The following DPP6 variants were observed in gnomAD, a reference collection of about 807,000 sequenced individuals.
DPP6 encodes the protein A-type potassium channel modulatory protein DPP6.
In DPP6, 69 loss-of-function variants were observed where a neutral mutation model predicts 122.6. The ratio of observed to expected loss-of-function variants is 0.56; its 90% confidence interval spans 0.46 to 0.69. The LOEUF (loss-of-function observed/expected upper bound fraction) is 0.69, where lower values mean the gene tolerates loss of function less well. Among genes scored for constraint, DPP6 ranks in the 30% least tolerant of loss-of-function variants. The pLI is 0.00. For synonymous variants in DPP6, 418 were observed against 433.1 expected (o/e 0.97, Z 0.43); for missense variants, 928 against 1,116.9 (o/e 0.83, Z 2.41).
intron 16 of DPP6, among the ~76,000 whole-genome samples, chr7:154,841,639 A>G (rs1801555266): frequency 6.6e-6 from 1 of 151,860 alleles, no homozygotes; most frequent in Non-Finnish European, 1.5e-5. Flanking sequence ...AATGCCTATC[A>G]TGAGCCCTGA....
In DPP6 at chr7:154,212,813, C is replaced by A. The variant is rs145011009; in HGVS notation, c.243+159750C>A. Among the ~76,000 whole-genome samples, 24 of 152,248 alleles carry A rather than the reference C, an allele frequency of 1.6e-4. No homozygotes were observed. The East Asian group carries it at 4.6e-3, about 29-fold the overall frequency. On this transcript the variant is annotated intron_variant, in intron 1 of 25. Transcript: ENST00000377770. Reference sequence around the variant, plus strand: ...GAATGCAAGATGGCAGGTGCCATGACAGAAGAGCAGGATGGATGCTGAGGA... The same window carrying A: ...GAATGCAAGATGGCAGGTGCCATGAAAGAAGAGCAGGATGGATGCTGAGGA...
At chr7:153,781,892 T>A in the DPP6 span, among the ~76,000 whole-genome samples, 2 of 151,472 alleles carry the variant, frequency 1.3e-5, no homozygotes, top group East Asian at 3.9e-4. Flanking sequence ...TTAAATCAAG[T>A]CATAAAGCAG....
At chr7:154,659,614 G>T (rs1232343503) in intron 6 of DPP6, among the ~76,000 whole-genome samples, 2 of 152,222 alleles carry the variant, frequency 1.3e-5, no homozygotes, top group African/African-American at 2.4e-5. Context: ...CTTGGATCCA[G>T]TTACTCTATT....
the DPP6 span, among the ~76,000 whole-genome samples, chr7:153,812,968 T>C: frequency 4.6e-5 from 7 of 152,134 alleles, no homozygotes; most frequent in African/African-American, 1.7e-4. Flanking sequence ...GATGGGTCAT[T>C]GAGGGTATAA....
intron 21 of DPP6, chr7:154,884,114 A>C (rs1336477644): frequency 1.3e-5 from 2 of 149,452 alleles, no homozygotes; most frequent in Non-Finnish European, 1.5e-5. Flanking sequence ...ACATGCTCAC[A>C]CACATGCTCA....
rs1828600278 is a variant in DPP6 at position 154,540,143 on chromosome 7, A to G, written c.458-389A>G. Among the ~76,000 whole-genome samples, 5 of 152,332 alleles carry G rather than the reference A, an allele frequency of 3.3e-5. No individual in the cohort carries two copies. In the South Asian group the frequency reaches 6.2e-4, roughly 19 times the overall value. On this transcript the variant is annotated intron_variant, in intron 3 of 25. Coordinates refer to ENST00000377770, the MANE Select transcript of DPP6 (RefSeq NM_130797.4). ...AAAGCATGTTTTGCAGGATGTGGCT[A>G]TGGGCCACAAGCATTCTGCATACAG...
chr7:154,585,863 G>T (rs1832407960), intron 5 of DPP6, among the ~76,000 whole-genome samples: 1 of 151,636 alleles, frequency 6.6e-6, no homozygotes, highest in Non-Finnish European at 1.5e-5. Context: ...GAAGGAGGGG[G>T]CTTTGGGGCG....
intron 3 of DPP6, among the ~76,000 whole-genome samples, chr7:154,538,106 C>A (rs1484841273): frequency 6.6e-6 from 1 of 151,822 alleles, no homozygotes; most frequent in Admixed American, 6.6e-5. Flanking sequence ...GTTAAAAGTA[C>A]CGGAATGATA....
At chr7:154,209,815 T>C (rs1334748746) in intron 1 of DPP6, among the ~76,000 whole-genome samples, 1 of 152,210 alleles carries the variant, frequency 6.6e-6, no homozygotes, top group South Asian at 2.1e-4. Flanking sequence ...ATAGGAATAT[T>C]AAGATTGCAT....
intron 16 of DPP6, among the ~76,000 whole-genome samples, chr7:154,836,217 A>C (rs1801041803): frequency 6.6e-6 from 1 of 152,216 alleles, no homozygotes. Context: ...TGGAGGCTTC[A>C]CTTCGAAGAT....
intron 5 of DPP6, among the ~76,000 whole-genome samples, chr7:154,627,786 G>A (rs539910081): frequency 7.9e-5 from 12 of 152,210 alleles, no homozygotes; most frequent in South Asian, 2.1e-4. Context: ...GCAAGATGCC[G>A]GGTCTTTGGG....
At chr7:153,871,650 C>A in the DPP6 span, among the ~76,000 whole-genome samples, 1 of 152,174 alleles carries the variant, frequency 6.6e-6, no homozygotes, top group Non-Finnish European at 1.5e-5. Flanking sequence ...GTGCGCTGCA[C>A]CCACTGTCCT....
chr7:154,709,758 T>G (rs3807252), intron 7 of DPP6, among the ~76,000 whole-genome samples: 30,094 of 152,058 alleles, frequency 0.2, 3,706 homozygotes, highest in African/African-American at 0.34. Flanking sequence ...CCCATCTTTG[T>G]TGTTGGTATA....
chr7:153,920,983 C>G, intron 1 of DPP6, among the ~76,000 whole-genome samples: 1 of 152,228 alleles, frequency 6.6e-6, no homozygotes, highest in East Asian at 1.9e-4. Flanking sequence ...GGCATCTACC[C>G]ACACGATCCT....
At chr7:153,977,385 C>T (rs1339471767) in intron 1 of DPP6, among the ~76,000 whole-genome samples, 2 of 152,172 alleles carry the variant, frequency 1.3e-5, no homozygotes, top group Admixed American at 6.5e-5. Flanking sequence ...CAGCAGCGGC[C>T]TTTGCCACAA....
intron 3 of DPP6, among the ~76,000 whole-genome samples, chr7:154,518,479 A>C (rs1826713533): frequency 1.3e-5 from 2 of 152,218 alleles, no homozygotes; most frequent in South Asian, 2.1e-4. Flanking sequence ...ACCAGTGTCC[A>C]TGCCCAGGTG....
intron 1 of DPP6, among the ~76,000 whole-genome samples, chr7:154,070,707 C>A (rs1245019159): frequency 6.6e-6 from 1 of 152,116 alleles, no homozygotes; most frequent in Non-Finnish European, 1.5e-5. Flanking sequence ...CTTAGTTTAA[C>A]AGAAAATTTA....
chr7:154,225,568 A>C (rs1440239347), intron 1 of DPP6, among the ~76,000 whole-genome samples: 1 of 150,086 alleles, frequency 6.7e-6, no homozygotes, highest in Non-Finnish European at 1.5e-5. Flanking sequence ...CGAAGAAAAA[A>C]AATGAGAAAA....
intron 3 of DPP6, among the ~76,000 whole-genome samples, chr7:154,495,255 C>T (rs1824629828): frequency 6.6e-6 from 1 of 152,166 alleles, no homozygotes; most frequent in Non-Finnish European, 1.5e-5. Flanking sequence ...CTGCAGGCCC[C>T]TCTCTAGCAG....
Sources: allele counts gnomAD v4.1 joint callset (sites outside exome capture counted in the v4.1 genomes callset), GRCh38; gene constraint gnomAD v4.1.1; transcripts MANE v1.5; gene names NCBI Gene and HGNC (gene_info 2026-07-23, HGNC 2026-07-21).